RYR1: variants seen among roughly 807,000 people sequenced by gnomAD.
RYR1 encodes the protein central core disease of muscle.
Under a neutral mutation model 583.5 loss-of-function variants are expected in RYR1, and 342 were observed. That is an observed-to-expected ratio of 0.59 (90% CI 0.54 to 0.64). The LOEUF (loss-of-function observed/expected upper bound fraction) is 0.64, where lower values mean the gene tolerates loss of function less well. Ranked by LOEUF, RYR1 falls within the 30% of genes least tolerant of loss-of-function variation. RYR1 has a pLI of 0.00. For synonymous variants in RYR1, 2,791 were observed against 2,822.5 expected (o/e 0.99, Z 0.35); for missense variants, 6,032 against 6,917.2 (o/e 0.87, Z 4.54).
chr19:38,495,695 C>T (rs2145583191), intron 39 of RYR1, among the ~76,000 whole-genome samples: 1 of 152,246 alleles, frequency 6.6e-6, no homozygotes, highest in South Asian at 2.1e-4. Flanking sequence ...CCTAGAGGAG[C>T]CTGCCTTGGG....
At chr19:38,567,967 C>T in intron 93 of RYR1, 50 bp downstream of exon 93, 1 of 1,598,574 alleles carries the variant, frequency 6.3e-7, no homozygotes, top group South Asian at 1.1e-5. Context: ...GGGAGCCCCA[C>T]CTCTGGTGCC....
chr19:38,533,822 C>A (rs1213021991), intron 78 of RYR1, among the ~76,000 whole-genome samples: 1 of 151,626 alleles, frequency 6.6e-6, no homozygotes, highest in Admixed American at 6.6e-5. Context: ...GATCCAACAG[C>A]TACTATAATT....
chr19:38,484,442 T>TCCTTCCTTCCTCTCTCCCTC (rs1969179937), intron 33 of RYR1, among the ~76,000 whole-genome samples: 1 of 140,070 alleles, frequency 7.1e-6, no homozygotes, highest in Non-Finnish European at 1.5e-5. Context: ...CTCCCTCCCT[T>TCCTTCCTTCCTCTCTCCCTC]CCTTCCTTCC....
chr19:38,486,754 T>A (rs1339922965), intron 34 of RYR1, among the ~76,000 whole-genome samples: 2 of 152,160 alleles, frequency 1.3e-5, no homozygotes, highest in African/African-American at 4.8e-5. Flanking sequence ...TTCTTCCTAT[T>A]CATCTATCCA....
chr19:38,554,130 G>A (rs1160277845), intron 89 of RYR1, among the ~76,000 whole-genome samples: 1 of 151,814 alleles, frequency 6.6e-6, no homozygotes, highest in Non-Finnish European at 1.5e-5. Flanking sequence ...TCCAGCAGAT[G>A]GAGGGAAATG....
At chr19:38,462,862 T>TCC in intron 20 of RYR1, among the ~76,000 whole-genome samples, 1 of 146,044 alleles carries the variant, frequency 6.8e-6, no homozygotes. Context: ...GACAGACCCG[T>TCC]CCCAGATAAT....
At chr19:38,567,435 C>CT (rs1424874974) in intron 92 of RYR1, among the ~76,000 whole-genome samples, 1 of 152,226 alleles carries the variant, frequency 6.6e-6, no homozygotes, top group Non-Finnish European at 1.5e-5. Context: ...CATGCCTACT[C>CT]TGAGTCTTTC....
chr19:38,528,727 G>C, intron 75 of RYR1, 32 bp downstream of exon 75: 1 of 1,609,110 alleles, frequency 6.2e-7, no homozygotes, highest in Non-Finnish European at 8.5e-7. Flanking sequence ...GGAGTGGGGG[G>C]CGAGCTGGAT....
At chr19:38,460,953 C>T (rs1185707132) in intron 20 of RYR1, among the ~76,000 whole-genome samples, 1 of 152,106 alleles carries the variant, frequency 6.6e-6, no homozygotes, top group Non-Finnish European at 1.5e-5. Flanking sequence ...CCATTGTACT[C>T]CAGCCTAAGC....
chr19:38,530,859 A>G (rs996393417), intron 76 of RYR1, among the ~76,000 whole-genome samples: 3 of 151,298 alleles, frequency 2.0e-5, no homozygotes, highest in Admixed American at 6.6e-5. Flanking sequence ...CTGGAGTGCA[A>G]TGGCGCAATC....
At chr19:38,530,846 A>G (rs1222464726) in intron 76 of RYR1, among the ~76,000 whole-genome samples, 2 of 151,642 alleles carry the variant, frequency 1.3e-5, no homozygotes, top group Non-Finnish European at 2.9e-5. Context: ...CTTGTTGCCC[A>G]GGCTGGAGTG....
In RYR1 at chr19:38,504,817, G is replaced by A. The variant is rs765571437; in HGVS notation, c.8137G>A (p.Asp2713Asn). The A allele has an allele frequency of 7.4e-6, 12 of 1,613,974 alleles. No individual in the cohort carries two copies. The highest frequency in any genetic ancestry group is 4.0e-5 in the African/African-American group (3 of 74,912). ...LCAIAGALPP[D>N]YVDASYSSKA... is the part of the protein sequence containing the mutation. ...CGCCATTGCCGGGGCTCTGCCCCCC[G>A]ACTATGTGGATGCCTCATACTCATC... The change falls in exon 51 of 106, where the codon GAC (aspartate) becomes AAC (asparagine). Residue 2713 changes from aspartate (D) to asparagine (N), a missense_variant. Coordinates refer to ENST00000359596, the MANE Select transcript of RYR1 (RefSeq NM_000540.3).
rs116626831 is a variant in RYR1, at chr19:38,483,948, G to A, written c.4934+432G>A. ...GCAGGGAGGCTTTAAGAAGAATCCC[G>A]TGGATATTTCAAACCCACCCCAGGG... is the stretch of plus-strand genomic sequence containing the variant. On this transcript the variant is annotated intron_variant, in intron 33 of 105. Coordinates refer to ENST00000359596, the MANE Select transcript of RYR1 (RefSeq NM_000540.3). This position sits in a 1 kb window ranked among gnomAD's most constrained non-coding sequence, Gnocchi z 6.3. 0.013 allele frequency among the ~76,000 whole-genome samples: 2,002 copies of A among 152,108 alleles called. 51 individuals are homozygous for A. The highest frequency in any genetic ancestry group is 0.046 in the African/African-American group (1,896 of 41,496).
Position 38,499,027 on chromosome 19 carries a change from G to C in RYR1, c.6892-81G>C, listed in dbSNP as rs1401174440. On this transcript the variant is annotated intron_variant, in intron 42 of 105. Transcript: ENST00000359596. This position sits in a 1 kb window ranked among gnomAD's most constrained non-coding sequence, Gnocchi z 7.3. The stretch of plus-strand genomic sequence containing the variant: ...AACCGGACTGAGGAGCCGCAGGGCA[G>C]GGCAGGGCAGGGCAGAGGGCTGAGC... 2 of 1,576,048 alleles carry C rather than the reference G, an allele frequency of 1.3e-6. No individual in the cohort carries two copies. The highest frequency in any genetic ancestry group is 1.7e-6 in the Non-Finnish European group (2 of 1,157,364).
At chr19:38,446,834 G>GA in intron 9 of RYR1, 66 bp downstream of exon 9, 1 of 1,312,774 alleles carries the variant, frequency 7.6e-7, no homozygotes. Context: ...TGGGAGGACA[G>GA]AAAAGGTCTT....
In RYR1 at chr19:38,543,269, A is replaced by C; in HGVS notation, c.11690-78A>C. On this transcript the variant is annotated intron_variant, in intron 84 of 105. Transcript: ENST00000359596. This position sits in a 1 kb window ranked among gnomAD's most constrained non-coding sequence, Gnocchi z 4.4. Reference sequence around the variant, plus strand: ...TAGGAACTCAACACATGAGTATTGCATAAATGAATAAATGACCCACTGTTC... The same window carrying C: ...TAGGAACTCAACACATGAGTATTGCCTAAATGAATAAATGACCCACTGTTC... The C allele has an allele frequency of 8.1e-7, 1 of 1,228,688 alleles. No individual in the cohort carries two copies. Among genetic ancestry groups the C allele is most frequent in the South Asian group, 1.2e-5 (1 of 82,886 alleles). 76.1% of individuals were successfully genotyped at this position (1,228,688 alleles called of 1,614,324 possible).
At chr19:38,466,485 C>T (rs1359691309) in intron 24 of RYR1, 87 bp downstream of exon 24, 3 of 1,297,408 alleles carry the variant, frequency 2.3e-6, no homozygotes, top group East Asian at 2.5e-5. Context: ...TGACTCAGCC[C>T]CCAAATGGGC....
intron 20 of RYR1, among the ~76,000 whole-genome samples, chr19:38,461,496 C>G (rs982226080): frequency 6.6e-6 from 1 of 151,540 alleles, no homozygotes; most frequent in Non-Finnish European, 1.5e-5. Flanking sequence ...TCTGAGAGGC[C>G]GAGGCAGGAT....
intron 82 of RYR1, 105 bp downstream of exon 82, chr19:38,536,175 A>G: frequency 9.9e-7 from 1 of 1,013,008 alleles, no homozygotes; most frequent in African/African-American, 1.9e-5. Context: ...CCTCCAAGAC[A>G]CTGGTTCCCA....
Sources: allele counts gnomAD v4.1 joint callset (sites outside exome capture counted in the v4.1 genomes callset), GRCh38; gene constraint gnomAD v4.1.1; non-coding constraint Gnocchi (gnomAD v3.1); transcripts MANE v1.5; gene names NCBI Gene and HGNC (gene_info 2026-07-23, HGNC 2026-07-21).